RNF144B: variants seen among roughly 807,000 people sequenced by gnomAD.
RNF144B encodes the protein ring finger protein 144B, also known as E3 ubiquitin-protein ligase RNF144B.
A neutral mutation model predicts 40.2 loss-of-function variants in RNF144B; 25 were observed. The observed-to-expected ratio is 0.62, with a 90% CI of 0.45 to 0.87. The LOEUF (loss-of-function observed/expected upper bound fraction) is 0.87. RNF144B is among the 40% of genes least tolerant of loss of function. RNF144B has a pLI of 0.00. For synonymous variants in RNF144B, 145 were observed against 136.3 expected (o/e 1.06, Z -0.44); for missense variants, 365 against 373.7 (o/e 0.98, Z 0.19).
At chr6:18,411,276 C>G (rs183305183) in intron 2 of RNF144B, among the ~76,000 whole-genome samples, 1 of 151,534 alleles carries the variant, frequency 6.6e-6, no homozygotes, top group East Asian at 1.9e-4. Context: ...AGCCACCGTG[C>G]CCAGTGAAAG....
rs111991287 is a variant in RNF144B at position 18,459,618 on chromosome 6, G to C, written c.548G>C (p.Gly183Ala). 7 of 1,613,296 alleles carry C rather than the reference G, an allele frequency of 4.3e-6. No homozygotes were observed. In the African/African-American group the frequency reaches 5.3e-5, roughly 12 times the overall value. ...CATTTTGTTTCTAGAGCCCTCTTTG[G>C]GACAGATGCAGAAGCCCCCATTAAG... is the stretch of plus-strand genomic sequence containing the variant. Reference protein sequence around the residue: ...VLPTEHRALFGTDAEAPIKQC... With the variant: ...VLPTEHRALFATDAEAPIKQC... Residue 183 changes from glycine (G) to alanine (A), a missense_variant, in exon 6 of 8, where the codon GGG (glycine) becomes GCG (alanine). By Grantham distance (60) the Gly-to-Ala change is moderately conservative. Coordinates refer to ENST00000259939, the MANE Select transcript of RNF144B (RefSeq NM_182757.4). The surrounding 1 kb of genome is among the most constrained non-coding windows in gnomAD (Gnocchi z 4.2).
chr6:18,431,437 G>T (rs1758694632), intron 3 of RNF144B, among the ~76,000 whole-genome samples: 1 of 152,126 alleles, frequency 6.6e-6, no homozygotes, highest in South Asian at 2.1e-4. Flanking sequence ...GAATTGGACT[G>T]TACCACCTTC....
intron 3 of RNF144B, among the ~76,000 whole-genome samples, chr6:18,436,723 C>T (rs866637359): frequency 2.0e-5 from 3 of 152,156 alleles, no homozygotes; most frequent in Middle Eastern, 6.8e-3. Context: ...TTGTGAATAT[C>T]CTCAAAAAAT....
chr6:18,427,001 A>G (rs1227276092), intron 2 of RNF144B, among the ~76,000 whole-genome samples: 2 of 152,134 alleles, frequency 1.3e-5, no homozygotes, highest in African/African-American at 4.8e-5. Flanking sequence ...TGTCTTTGGG[A>G]CAATGTGTCT....
At chr6:18,397,673 G>A (rs1794720798) in intron 1 of RNF144B, among the ~76,000 whole-genome samples, 1 of 152,048 alleles carries the variant, frequency 6.6e-6, no homozygotes, top group African/African-American at 2.4e-5. Context: ...TGCAGCTTCA[G>A]GGACCTTAAG....
At chr6:18,430,061 G>A (rs931221645) in intron 3 of RNF144B, among the ~76,000 whole-genome samples, 4 of 151,328 alleles carry the variant, frequency 2.6e-5, no homozygotes, top group African/African-American at 7.3e-5. Context: ...GAATAGCTTG[G>A]TGAAATTTCA....
chr6:18,397,298 G>A (rs116758101), intron 1 of RNF144B, among the ~76,000 whole-genome samples: 3,152 of 152,240 alleles, frequency 0.021, 53 homozygotes, highest in Middle Eastern at 0.037. Context: ...GTTGGGAGTA[G>A]GTAGCAAATG....
intron 2 of RNF144B, among the ~76,000 whole-genome samples, chr6:18,401,295 A>T (rs908246721): frequency 2.0e-5 from 3 of 152,222 alleles, no homozygotes; most frequent in Non-Finnish European, 4.4e-5. Context: ...TTCCTGATTC[A>T]AAACAGCATG....
chr6:18,390,194 T>C (rs1794552514), intron 1 of RNF144B, among the ~76,000 whole-genome samples: 1 of 152,256 alleles, frequency 6.6e-6, no homozygotes, highest in African/African-American at 2.4e-5. Flanking sequence ...CTTAATTTTC[T>C]TGGTAGTGTT....
chr6:18,438,050 C>T (rs1758860674), intron 3 of RNF144B, among the ~76,000 whole-genome samples: 1 of 152,148 alleles, frequency 6.6e-6, no homozygotes, highest in Non-Finnish European at 1.5e-5. Context: ...TTATTGAGGT[C>T]TCTTGGGCCC....
In RNF144B at chr6:18,466,169, A is replaced by C. The variant is rs193279426; in HGVS notation, c.*1102A>C. On this transcript the variant is annotated 3_prime_UTR_variant, in exon 8 of 8. Transcript: ENST00000259939. ...TCTGCCTAAAGATTTTTTGCATATT[A>C]TATATGTGAATTTTGGTTGTAAGTT... The C allele has an allele frequency of 7.2e-5, 11 of 152,336 alleles. No individual in the cohort carries two copies. Among genetic ancestry groups the C allele is most frequent in the Non-Finnish European group, 1.6e-4 (11 of 68,020 alleles). 9.4% of individuals were successfully genotyped at this position (152,336 alleles called of 1,614,324 possible).
rs555143167 is a variant in RNF144B at position 18,440,162 on chromosome 6, A to G, written c.331+418A>G. Among the ~76,000 whole-genome samples, 544 of 152,272 alleles carry G rather than the reference A, an allele frequency of 3.6e-3. 1 individual carries two copies. The highest frequency in any genetic ancestry group is 0.012 in the African/African-American group (490 of 41,572). ...AGAATACATAACACCTGTTTTTTTG[A>G]TACTACTTTTGTAATCATGGTAATA... On this transcript the variant is annotated intron_variant, in intron 4 of 7. Transcript: ENST00000259939.
chr6:18,407,354 G>C (rs947992011), intron 2 of RNF144B, among the ~76,000 whole-genome samples: 18 of 152,092 alleles, frequency 1.2e-4, no homozygotes, highest in Non-Finnish European at 2.2e-4. Context: ...AATGTCTTTG[G>C]GCAGTCTATT....
At position 18,459,732 on chromosome 6, in the gene RNF144B, A is replaced by G. The variant is rs1425094105; in HGVS notation, c.662A>G (p.Tyr221Cys). The part of the protein sequence containing the change: ...CKNCKHTFCW[Y>C]CLQNLDNDIF... The stretch of plus-strand genomic sequence containing the variant: ...AACTGCAAGCATACATTTTGCTGGT[A>G]CTGCCTCCAGAACTTGGATGTAAGT... The change falls in exon 6 of 8, where the codon TAC (tyrosine) becomes TGC (cysteine). Residue 221 changes from tyrosine (Y) to cysteine (C), a missense_variant. Transcript: ENST00000259939. The surrounding 1 kb of genome is among the most constrained non-coding windows in gnomAD (Gnocchi z 4.2). 9 of 1,614,094 alleles carry G rather than the reference A, an allele frequency of 5.6e-6. No individual in the cohort carries two copies. Among genetic ancestry groups the G allele is most frequent in the Admixed American group, 3.3e-5 (2 of 60,026 alleles).
chr6:18,433,468 T>C (rs189895677), intron 3 of RNF144B, among the ~76,000 whole-genome samples: 2 of 152,240 alleles, frequency 1.3e-5, no homozygotes, highest in African/African-American at 2.4e-5. Context: ...AAGAAAATTC[T>C]TTAACTAATG....
rs74835752 is a variant in RNF144B, at chr6:18,460,096, T to C, written c.681+345T>C. Among the ~76,000 whole-genome samples the C allele has an allele frequency of 8.5e-5, 13 of 152,352 alleles. No homozygotes were observed. The East Asian group carries it at 1.9e-3, about 23-fold the overall frequency. The stretch of plus-strand genomic sequence containing the variant: ...TTAGTGGCTTAAAATACCACAAACT[T>C]ATTATCCCACAGTTCTTCACTTTGG... On this transcript the variant is annotated intron_variant, in intron 6 of 7. Transcript: ENST00000259939. The surrounding 1 kb of genome is among the most constrained non-coding windows in gnomAD (Gnocchi z 4.4).
chr6:18,455,883 CAT>C (rs778871435), intron 4 of RNF144B, among the ~76,000 whole-genome samples: 4 of 151,986 alleles, frequency 2.6e-5, no homozygotes, highest in Non-Finnish European at 4.4e-5. Context: ...GTTTCTAGAA[CAT>C]GTGGGGGTTT....
At chr6:18,394,726 A>C (rs1312477549) in intron 1 of RNF144B, among the ~76,000 whole-genome samples, 2 of 152,160 alleles carry the variant, frequency 1.3e-5, no homozygotes, top group Admixed American at 6.5e-5. Context: ...TTCTGTGCTG[A>C]AGTATTCCCT....
intron 1 of RNF144B, among the ~76,000 whole-genome samples, chr6:18,397,689 C>G (rs1037409837): frequency 6.6e-6 from 1 of 152,060 alleles, no homozygotes; most frequent in African/African-American, 2.4e-5. Flanking sequence ...TTAAGGATAG[C>G]TGTAGTCATG....
Sources: allele counts gnomAD v4.1 joint callset (sites outside exome capture counted in the v4.1 genomes callset), GRCh38; gene constraint gnomAD v4.1.1; non-coding constraint Gnocchi (gnomAD v3.1); transcripts MANE v1.5; gene names NCBI Gene and HGNC (gene_info 2026-07-23, HGNC 2026-07-21).